The following GFPT2 variants were observed in gnomAD, a reference collection of about 807,000 sequenced individuals.
GFPT2 encodes the protein glutamine--fructose-6-phosphate transaminase 2, also known as glutamine--fructose-6-phosphate aminotransferase [isomerizing] 2.
In GFPT2, 62 loss-of-function variants were observed where a neutral mutation model predicts 85.6. That is an observed-to-expected ratio of 0.72 (90% CI 0.59 to 0.90). The LOEUF is 0.90. Among genes scored for constraint, GFPT2 ranks in the 40% least tolerant of loss-of-function variants. The probability of loss-of-function intolerance (pLI) is 0.00; values close to 1 mark genes in which losing one functional copy is unlikely to be tolerated. For missense variants in GFPT2, 788 were observed against 893.4 expected, an observed-to-expected ratio of 0.88 and a Z score of 1.50; for synonymous variants, 368 against 344.5, an observed-to-expected ratio of 1.07 and a Z score of -0.75.
rs1763668734 is a variant in GFPT2 at position 180,301,374 on chromosome 5, C to T, written c.*190G>A. 10 of 622,624 alleles carry T rather than the reference C, an allele frequency of 1.6e-5. No individual in the cohort carries two copies. In the East Asian group the frequency reaches 2.7e-4, roughly 17 times the overall value. 38.6% of individuals were successfully genotyped at this position (622,624 alleles called of 1,614,324 possible). On this transcript the variant is annotated 3_prime_UTR_variant, in exon 19 of 19. Coordinates refer to ENST00000253778, the MANE Select transcript of GFPT2 (RefSeq NM_005110.4). ...TGATTCCCTTCTCCTCTGGCGACTT[C>T]AGGACACAGAGAAACAGTATCTGCT...
At chr5:180,343,238 C>A (rs1429743525) in intron 1 of GFPT2, among the ~76,000 whole-genome samples, 1 of 152,204 alleles carries the variant, frequency 6.6e-6, no homozygotes, top group East Asian at 1.9e-4. Context: ...CTCCCCCCTG[C>A]AGCTCCCCCA....
At chr5:180,336,002 C>A in intron 3 of GFPT2, 49 bp from the exon 4 acceptor site, 1 of 1,521,530 alleles carries the variant, frequency 6.6e-7, no homozygotes, top group Non-Finnish European at 8.8e-7. Flanking sequence ...CAAGCCTCGA[C>A]CCAGGACTGT....
chr5:180,310,792 C>A (rs1272078927), intron 15 of GFPT2, among the ~76,000 whole-genome samples: 1 of 119,798 alleles, frequency 8.3e-6, no homozygotes, highest in Non-Finnish European at 1.6e-5. Context: ...TGCTGGGTGC[C>A]GGGCACAGCC....
chr5:180,345,806 C>T (rs1243865871), intron 1 of GFPT2, among the ~76,000 whole-genome samples: 1 of 152,148 alleles, frequency 6.6e-6, no homozygotes, highest in Non-Finnish European at 1.5e-5. Context: ...GAGACAGCCA[C>T]GTTCAGCCAA....
chr5:180,320,894 C>G (rs910413912), intron 9 of GFPT2, among the ~76,000 whole-genome samples: 1 of 152,166 alleles, frequency 6.6e-6, no homozygotes, highest in African/African-American at 2.4e-5. Flanking sequence ...AGACGTATAT[C>G]CAGCCAGATC....
chr5:180,312,595 A>G, intron 14 of GFPT2, 51 bp from the exon 15 acceptor site: 1 of 989,088 alleles, frequency 1.0e-6, no homozygotes, highest in Non-Finnish European at 1.6e-6. Flanking sequence ...TTTTTAAATC[A>G]ACTTTTATTT....
chr5:180,310,545 G>A (rs893265729), intron 15 of GFPT2, among the ~76,000 whole-genome samples: 3 of 151,576 alleles, frequency 2.0e-5, no homozygotes, highest in African/African-American at 7.3e-5. Flanking sequence ...CGAGTAGCTG[G>A]GATTACAGGC....
intron 15 of GFPT2, among the ~76,000 whole-genome samples, chr5:180,309,831 G>C (rs1466263488): frequency 6.7e-6 from 1 of 148,794 alleles, no homozygotes; most frequent in Admixed American, 6.7e-5. Flanking sequence ...TTTTTTTTGA[G>C]ATGGAGTATC....
At chr5:180,331,271 C>T in intron 5 of GFPT2, 2 of 564,548 alleles carry the variant, frequency 3.5e-6, no homozygotes, top group Non-Finnish European at 3.1e-6. Context: ...TGGGAATCTG[C>T]AGTGGCCCTT....
chr5:180,321,926 G>C (rs912092838), intron 9 of GFPT2, among the ~76,000 whole-genome samples: 3 of 152,094 alleles, frequency 2.0e-5, no homozygotes, highest in African/African-American at 7.2e-5. Context: ...TGGGACTACA[G>C]GCCTCCGCCA....
chr5:180,322,443 A>G (rs1376648435), intron 9 of GFPT2, among the ~76,000 whole-genome samples: 1 of 152,236 alleles, frequency 6.6e-6, no homozygotes, highest in East Asian at 1.9e-4. Context: ...TTTACTCTAA[A>G]GCATTTTTTT....
intron 1 of GFPT2, among the ~76,000 whole-genome samples, chr5:180,339,198 G>A (rs1764461045): frequency 6.6e-6 from 1 of 152,046 alleles, no homozygotes; most frequent in Admixed American, 6.5e-5. Flanking sequence ...TGGCCAACAT[G>A]GTGAAACCCC....
chr5:180,349,613 G>A (rs1280672212), intron 1 of GFPT2, among the ~76,000 whole-genome samples: 2 of 152,094 alleles, frequency 1.3e-5, no homozygotes, highest in African/African-American at 2.4e-5. Context: ...GGGAGAGGCC[G>A]GCGACAGATT....
At chr5:180,342,592 T>A (rs1004725684) in intron 1 of GFPT2, among the ~76,000 whole-genome samples, 1 of 151,658 alleles carries the variant, frequency 6.6e-6, no homozygotes, top group Non-Finnish European at 1.5e-5. Context: ...AAACTTTTCA[T>A]AACATTAACT....
chr5:180,351,485 C>T (rs1467952573), intron 1 of GFPT2, among the ~76,000 whole-genome samples: 3 of 151,972 alleles, frequency 2.0e-5, no homozygotes, highest in Non-Finnish European at 2.9e-5. Context: ...TAAGCCAGCA[C>T]GCACTCTTTG....
Position 180,330,677 on chromosome 5 carries a change from G to C in GFPT2, c.534+23C>G, listed in dbSNP as rs368803068. ...AATGAAAGAATGAAGGAATGAGTTA[G>C]ACAGATGGGATTTGTAACTCACCAA... On this transcript the variant is annotated intron_variant, in intron 6 of 18. Transcript: ENST00000253778. This position sits in a 1 kb window ranked among gnomAD's most constrained non-coding sequence, Gnocchi z 4.4. 203 of 1,593,652 alleles carry C rather than the reference G, an allele frequency of 1.3e-4. No individual in the cohort carries two copies. The highest frequency in any genetic ancestry group is 1.7e-4 in the Non-Finnish European group (199 of 1,162,150).
At chr5:180,316,672 A>C (rs55983627) in intron 12 of GFPT2, 92 bp downstream of exon 12, 1 of 1,011,564 alleles carries the variant, frequency 9.9e-7, no homozygotes, top group Non-Finnish European at 1.5e-6. Flanking sequence ...GGGCTTAGCC[A>C]AATTCAGAAG....
At chr5:180,321,838 C>T (rs959178823) in intron 9 of GFPT2, among the ~76,000 whole-genome samples, 12 of 152,226 alleles carry the variant, frequency 7.9e-5, no homozygotes, top group African/African-American at 2.7e-4. Context: ...GGCTGGAGTG[C>T]AGTGGCGCGA....
At chr5:180,305,980 TTTC>T (rs1371802353) in intron 16 of GFPT2, among the ~76,000 whole-genome samples, 1 of 117,940 alleles carries the variant, frequency 8.5e-6, no homozygotes, top group African/African-American at 2.9e-5. Flanking sequence ...TTTTTCTTTC[TTTC>T]TTTTTTTTTT....
Sources: gnomAD v4.1 joint callset for allele counts (sites outside exome capture counted in the v4.1 genomes callset) on GRCh38, gnomAD v4.1.1 for gene constraint, Gnocchi (gnomAD v3.1) non-coding constraint, MANE v1.5 for transcripts, NCBI Gene and HGNC (gene_info 2026-07-23, HGNC 2026-07-21) for gene names.